MIR2052HG: variants seen among roughly 807,000 people sequenced by gnomAD.
MIR2052HG encodes the protein MIR2052 host gene.
chr8:74,611,275 A>G (rs1221349382), intron 1 of MIR2052HG, among the ~76,000 whole-genome samples: 1 of 152,162 alleles, frequency 6.6e-6, no homozygotes, highest in Non-Finnish European at 1.5e-5. Context: ...ATACCATTGC[A>G]CACCTATTAC....
chr8:74,603,975 G>A (rs1808067731), intron 1 of MIR2052HG: 1 of 957,494 alleles, frequency 1.0e-6, no homozygotes, highest in Non-Finnish European at 1.7e-6. Flanking sequence ...TGGCAGCTGT[G>A]CTACTGGTCA....
chr8:74,686,200 A>G (rs1326353890), intron 2 of MIR2052HG, among the ~76,000 whole-genome samples: 1 of 151,738 alleles, frequency 6.6e-6, no homozygotes, highest in Non-Finnish European at 1.5e-5. Flanking sequence ...TCAAAGCTGA[A>G]TTTTATATTT....
intron 2 of MIR2052HG, among the ~76,000 whole-genome samples, chr8:74,621,078 CA>C (rs1422040585): frequency 8.5e-5 from 13 of 152,128 alleles, no homozygotes; most frequent in Non-Finnish European, 1.5e-5. Context: ...CTGCAGTTGC[CA>C]AAAAGTTCCT....
intron 4 of MIR2052HG, among the ~76,000 whole-genome samples, chr8:74,706,356 C>G (rs1809410338): frequency 6.6e-6 from 1 of 152,044 alleles, no homozygotes. Flanking sequence ...ATGAGCAACC[C>G]CCTCTAAGTC....
intron 1 of MIR2052HG, among the ~76,000 whole-genome samples, chr8:74,606,811 AC>A: frequency 1.0e-5 from 1 of 99,628 alleles, no homozygotes; most frequent in East Asian, 3.5e-4. Context: ...GCACCCCTGA[AC>A]TTAAAATAAA....
chr8:74,749,059 A>G (rs538946073), intron 4 of MIR2052HG, among the ~76,000 whole-genome samples: 1 of 152,328 alleles, frequency 6.6e-6, no homozygotes, highest in South Asian at 2.1e-4. Flanking sequence ...TTTGATAGCT[A>G]TAATGATTAT....
Position 74,652,427 on chromosome 8 carries a change from T to G in MIR2052HG, n.216+39487T>G, listed in dbSNP as rs1808763142. On this transcript the variant is annotated intron_variant and non_coding_transcript_variant, in intron 2 of 6. Transcript: ENST00000523442. ...TCTAGGCTCTGGAGTGAAGACCATG[T>G]GGACCAAATCCCTTTGCAAATTGGC... 3.3e-5 allele frequency among the ~76,000 whole-genome samples: 5 copies of G among 152,180 alleles called. No homozygotes were observed. In the South Asian group the frequency reaches 1.0e-3, roughly 32 times the overall value.
intron 2 of MIR2052HG, among the ~76,000 whole-genome samples, chr8:74,661,375 G>T (rs1292296012): frequency 6.6e-6 from 1 of 151,956 alleles, no homozygotes; most frequent in African/African-American, 2.4e-5. Flanking sequence ...GCTAATTTTT[G>T]TATTTTTAGT....
chr8:74,666,074 G>A (rs1808920814), intron 2 of MIR2052HG, among the ~76,000 whole-genome samples: 1 of 152,216 alleles, frequency 6.6e-6, no homozygotes, highest in South Asian at 2.1e-4. Context: ...CAATACAACA[G>A]CTTAGTTACT....
At chr8:74,720,033 A>G (rs949212229) in intron 4 of MIR2052HG, among the ~76,000 whole-genome samples, 8 of 151,452 alleles carry the variant, frequency 5.3e-5, no homozygotes, top group Non-Finnish European at 8.8e-5. Flanking sequence ...TGCATTTTTA[A>G]TAGAGACGGG....
chr8:74,707,262 G>A (rs1207030373), intron 4 of MIR2052HG, among the ~76,000 whole-genome samples: 1 of 152,190 alleles, frequency 6.6e-6, no homozygotes, highest in Non-Finnish European at 1.5e-5. Flanking sequence ...TTTTAAAACC[G>A]ATTGAGTCTA....
intron 2 of MIR2052HG, among the ~76,000 whole-genome samples, chr8:74,648,943 C>T (rs1229665858): frequency 6.6e-6 from 1 of 152,016 alleles, no homozygotes; most frequent in Non-Finnish European, 1.5e-5. Flanking sequence ...TCCTTGGCCT[C>T]TTAGGAAAGA....
intron 2 of MIR2052HG, among the ~76,000 whole-genome samples, chr8:74,642,619 C>G (rs767166556): frequency 6.6e-6 from 1 of 152,030 alleles, no homozygotes; most frequent in Non-Finnish European, 1.5e-5. Flanking sequence ...TGGGAAATTG[C>G]AGTTGAATAC....
intron 2 of MIR2052HG, among the ~76,000 whole-genome samples, chr8:74,664,045 T>C (rs1322732755): frequency 6.6e-6 from 1 of 152,174 alleles, no homozygotes; most frequent in Non-Finnish European, 1.5e-5. Flanking sequence ...TACTGTATGT[T>C]CTCACTTGTA....
At chr8:74,732,828 A>T (rs1007451150) in intron 4 of MIR2052HG, among the ~76,000 whole-genome samples, 2 of 152,136 alleles carry the variant, frequency 1.3e-5, no homozygotes, top group African/African-American at 4.8e-5. Context: ...TACCTAAGAA[A>T]ACCACTGATG....
intron 2 of MIR2052HG, among the ~76,000 whole-genome samples, chr8:74,651,399 G>A (rs1007230740): frequency 6.6e-6 from 1 of 152,122 alleles, no homozygotes; most frequent in Non-Finnish European, 1.5e-5. Context: ...TCTTCTGTGA[G>A]TAAAAGTAGC....
chr8:74,605,561 T>C (rs1224544355), intron 1 of MIR2052HG, among the ~76,000 whole-genome samples: 2 of 152,150 alleles, frequency 1.3e-5, no homozygotes, highest in Non-Finnish European at 2.9e-5. Flanking sequence ...GAGAAGAAAA[T>C]ACTTGGAAAG....
At chr8:74,749,110 GA>G in intron 4 of MIR2052HG, among the ~76,000 whole-genome samples, 1 of 152,108 alleles carries the variant, frequency 6.6e-6, no homozygotes, top group East Asian at 1.9e-4. Context: ...AAAGAGAAAG[GA>G]AAGGTGAGAT....
intron 4 of MIR2052HG, among the ~76,000 whole-genome samples, chr8:74,707,557 C>T (rs750339227): frequency 6.6e-6 from 1 of 152,004 alleles, no homozygotes; most frequent in African/African-American, 2.4e-5. Flanking sequence ...TGATAGTATG[C>T]AACTCTTTGT....
Sources: gnomAD v4.1 joint callset for allele counts (sites outside exome capture counted in the v4.1 genomes callset) on GRCh38, gnomAD v4.1.1 for gene constraint, MANE v1.5 for transcripts, NCBI Gene and HGNC (gene_info 2026-07-23, HGNC 2026-07-21) for gene names.